Variants in TSPAN33 observed in about 807,000 individuals in gnomAD.
The protein encoded by TSPAN33 is tetraspanin 33.
A neutral mutation model predicts 34.8 loss-of-function variants in TSPAN33; 27 were observed. That is an observed-to-expected ratio of 0.78 (90% CI 0.57 to 1.07). TSPAN33 has a LOEUF of 1.07. Ranked by LOEUF, TSPAN33 falls within the 50% of genes least tolerant of loss-of-function variation. TSPAN33 has a pLI of 0.00. For missense variants in TSPAN33, 272 were observed against 324.9 expected (o/e 0.84, Z 1.25); for synonymous variants, 119 against 124.2 (o/e 0.96, Z 0.28).
At chr7:129,164,796 G>A in intron 5 of TSPAN33, 2 of 456,568 alleles carry the variant, frequency 4.4e-6, no homozygotes, top group Non-Finnish European at 8.1e-6. Flanking sequence ...ACCTACAGGG[G>A]GTGAGGAACT....
chr7:129,161,164 C>T (rs983476339), intron 1 of TSPAN33, among the ~76,000 whole-genome samples: 1 of 152,220 alleles, frequency 6.6e-6, no homozygotes, highest in Non-Finnish European at 1.5e-5. Context: ...GCCTTGCACT[C>T]CTGGGCTCAA....
At chr7:129,166,083 G>A (rs1463777958) in intron 5 of TSPAN33, among the ~76,000 whole-genome samples, 3 of 151,984 alleles carry the variant, frequency 2.0e-5, no homozygotes, top group Non-Finnish European at 4.4e-5. Flanking sequence ...GATTACAGGT[G>A]CCTGCCAAAC....
Position 129,164,471 on chromosome 7 carries a change from C to T in TSPAN33, c.364-3C>T. The T allele has an allele frequency of 1.9e-6, 3 of 1,613,794 alleles. No homozygotes were observed. Among genetic ancestry groups the T allele is most frequent in the Non-Finnish European group, 2.5e-6 (3 of 1,179,852 alleles). On this transcript the variant is annotated splice_polypyrimidine_tract_variant and splice_region_variant and intron_variant, in intron 4 of 7. Coordinates refer to ENST00000486685, the MANE Select transcript of TSPAN33 (RefSeq NM_178562.5). ...TCTGATTCCTTGCCCATGTCTCCGG[C>T]AGGCTCGAGGGAAAGTGAGTGAGAT...
chr7:129,162,822 C>G lies in TSPAN33; in HGVS notation c.289-11C>G, dbSNP rs1353971020. 2.0e-5 allele frequency: 32 copies of G among 1,613,342 alleles called. No individual in the cohort carries two copies. Among genetic ancestry groups the G allele is most frequent in the Non-Finnish European group, 2.7e-5 (32 of 1,179,888 alleles). On this transcript the variant is annotated splice_polypyrimidine_tract_variant and intron_variant, in intron 3 of 7. Transcript: ENST00000486685. ...TGGTCCTAGACGCCTCTTCTTCCTG[C>G]TGCTCCACAGTTCTCCCTCTGCCTC...
Position 129,168,245 on chromosome 7 carries a change from A to G in TSPAN33, c.*371A>G. 1 of 218,252 alleles carries G rather than the reference A, an allele frequency of 4.6e-6. No individual in the cohort carries two copies. The highest frequency in any genetic ancestry group is 9.3e-6 in the Non-Finnish European group (1 of 107,092). 13.5% of individuals were successfully genotyped at this position (218,252 alleles called of 1,614,324 possible). A position where few individuals can be genotyped will look rare whatever the true frequency, so the allele number is the denominator to read the frequency against. The stretch of plus-strand genomic sequence containing the variant: ...GCAGGGATGCTCCTGAGCTTGGCGG[A>G]CATACTTAGATCCTAACGTGCCAGT... On this transcript the variant is annotated 3_prime_UTR_variant, in exon 8 of 8. Coordinates refer to ENST00000486685, the MANE Select transcript of TSPAN33 (RefSeq NM_178562.5).
At position 129,144,725 on chromosome 7, in the gene TSPAN33, G is replaced by T. The variant is rs1234713658; in HGVS notation, c.-256G>T. On this transcript the variant is annotated 5_prime_UTR_variant, in exon 1 of 8. Coordinates refer to ENST00000486685, the MANE Select transcript of TSPAN33 (RefSeq NM_178562.5). ...GGGTTTCCTGGGCGCCTGGCTGGCC[G>T]GGCTGGTCCTGCGGCCGCGGGTGAG... 2.0e-5 allele frequency among the ~76,000 whole-genome samples: 3 copies of T among 151,778 alleles called. No individual in the cohort carries two copies. Among genetic ancestry groups the T allele is most frequent in the Non-Finnish European group, 4.4e-5 (3 of 67,892 alleles).
At chr7:129,163,320 T>C (rs1391286766) in intron 4 of TSPAN33, among the ~76,000 whole-genome samples, 2 of 132,232 alleles carry the variant, frequency 1.5e-5, no homozygotes, top group Non-Finnish European at 3.1e-5. Flanking sequence ...TTGAGGTTTA[T>C]TTTTCTTTCT....
Position 129,168,041 on chromosome 7 carries a change from C to G in TSPAN33, c.*167C>G, listed in dbSNP as rs1793171030. On this transcript the variant is annotated 3_prime_UTR_variant, in exon 8 of 8. Coordinates refer to ENST00000486685, the MANE Select transcript of TSPAN33 (RefSeq NM_178562.5). Reference sequence around the variant, plus strand: ...GGCAGAAGGCAGGGTGCACAGGTGGCTCCAGTCTCAGGAGGATGCGCCTCC... The same window carrying G: ...GGCAGAAGGCAGGGTGCACAGGTGGGTCCAGTCTCAGGAGGATGCGCCTCC... The G allele has an allele frequency of 1.4e-6, 2 of 1,406,958 alleles. No individual in the cohort carries two copies. Among genetic ancestry groups the G allele is most frequent in the African/African-American group, 2.9e-5 (2 of 69,320 alleles). The allele number at this position is 1,406,958 out of a possible 1,614,324, so 87.2% of individuals were successfully genotyped here. A position where few individuals can be genotyped will look rare whatever the true frequency, so the allele number is the denominator to read the frequency against.
intron 1 of TSPAN33, among the ~76,000 whole-genome samples, chr7:129,147,899 T>C (rs1273147985): frequency 6.6e-6 from 1 of 152,220 alleles, no homozygotes; most frequent in Non-Finnish European, 1.5e-5. Context: ...CAGTTCCTAC[T>C]GTTCATGTTT....
chr7:129,163,111 GACAGTCTGAGA>G (rs1392966836), intron 4 of TSPAN33, among the ~76,000 whole-genome samples: 5 of 152,218 alleles, frequency 3.3e-5, no homozygotes, highest in Non-Finnish European at 5.9e-5. Context: ...GCTTTCCTCT[GACAGTCTGAGA>G]AGCTAACAGG....
Position 129,156,980 on chromosome 7 carries a change from T to G in TSPAN33, c.103-4699T>G, listed in dbSNP as rs1412469071. ...AGACTCAGCCATTTTAAAAGTTGTA[T>G]CTAGCTCTTAGAAGTTTCCAGCCAG... On this transcript the variant is annotated intron_variant, in intron 1 of 7. Transcript: ENST00000486685. Among the ~76,000 whole-genome samples, 4 of 152,248 alleles carry G rather than the reference T, an allele frequency of 2.6e-5. No individual in the cohort carries two copies. The East Asian group carries it at 7.7e-4, about 29-fold the overall frequency.
At chr7:129,162,307 G>A in intron 2 of TSPAN33, 87 bp from the exon 3 acceptor site, 1 of 1,572,170 alleles carries the variant, frequency 6.4e-7, no homozygotes, top group Non-Finnish European at 8.6e-7. Context: ...ACCAGGGGAA[G>A]GAGAACAGTT....
Position 129,164,549 on chromosome 7 carries a change from A to C in TSPAN33, c.439A>C (p.Ile147Leu). Residue 147 changes from isoleucine to leucine, a missense_variant, in exon 5 of 8, where the codon ATT becomes CTT. Ile to Leu is a conservative substitution (Grantham distance 5). Coordinates refer to ENST00000486685, the MANE Select transcript of TSPAN33 (RefSeq NM_178562.5). ...YRDDLDLQNL[I>L]DFGQKKFSCC... ...AGATGACTTGGATCTGCAGAACCTC[A>C]TTGATTTTGGCCAGAAAAAGGTATG... The C allele has an allele frequency of 6.2e-7, 1 of 1,613,872 alleles. No homozygotes were observed. Among genetic ancestry groups the C allele is most frequent in the Non-Finnish European group, 8.5e-7 (1 of 1,179,944 alleles).
rs1054047364 is a variant in TSPAN33, at chr7:129,167,378, G to C, written c.589-21G>C. 1.2e-6 allele frequency: 2 copies of C among 1,600,734 alleles called. No homozygotes were observed. The highest frequency in any genetic ancestry group is 8.5e-7 in the Non-Finnish European group (1 of 1,169,974). On this transcript the variant is annotated intron_variant, in intron 6 of 7. Coordinates refer to ENST00000486685, the MANE Select transcript of TSPAN33 (RefSeq NM_178562.5). The surrounding 1 kb of genome is among the most constrained non-coding windows in gnomAD (Gnocchi z 4.6). ...GTTATTGGAATTACAGTCCCAATTG[G>C]CTTTTCAACTCTTTCCCCAGGCAGT...
Position 129,162,382 on chromosome 7 carries a change from C to T in TSPAN33, c.161-12C>T, listed in dbSNP as rs769954197. ...GCACCAGGCTCAGGCTGAGGGCCGGCTCCTTTTCCAGAAGCAGCCCTAGCC... is the reference window on the plus strand; with the variant it reads ...GCACCAGGCTCAGGCTGAGGGCCGGTTCCTTTTCCAGAAGCAGCCCTAGCC... On this transcript the variant is annotated splice_polypyrimidine_tract_variant and intron_variant, in intron 2 of 7. Coordinates refer to ENST00000486685, the MANE Select transcript of TSPAN33 (RefSeq NM_178562.5). The T allele has an allele frequency of 6.2e-7, 1 of 1,611,396 alleles. No individual in the cohort carries two copies. Among genetic ancestry groups the T allele is most frequent in the South Asian group, 1.1e-5 (1 of 91,068 alleles).
Position 129,167,015 on chromosome 7 carries a change from T to C in TSPAN33, c.588+109T>C, listed in dbSNP as rs1361274229. On this transcript the variant is annotated intron_variant, in intron 6 of 7. Coordinates refer to ENST00000486685, the MANE Select transcript of TSPAN33 (RefSeq NM_178562.5). The surrounding 1 kb of genome is among the most constrained non-coding windows in gnomAD (Gnocchi z 4.6). ...ATCCCCTAGCTTCACCGATCAGTCA[T>C]GTGGGACAGCTGTCAGGTGTTTTTC... 7.5e-7 allele frequency: 1 copy of C among 1,330,872 alleles called. No homozygotes were observed. Among genetic ancestry groups the C allele is most frequent in the Non-Finnish European group, 1.0e-6 (1 of 964,698 alleles). 82.4% of individuals were successfully genotyped at this position (1,330,872 alleles called of 1,614,324 possible). A position where few individuals can be genotyped will look rare whatever the true frequency, so the allele number is the denominator to read the frequency against.
chr7:129,162,573 C>T (rs1793070091), intron 3 of TSPAN33, 52 bp downstream of exon 3: 1 of 1,602,996 alleles, frequency 6.2e-7, no homozygotes, highest in African/African-American at 1.3e-5. Context: ...CCCATCATGC[C>T]TCTTAGCCTC....
intron 1 of TSPAN33, among the ~76,000 whole-genome samples, chr7:129,146,239 G>A (rs1810518503): frequency 6.6e-6 from 1 of 152,164 alleles, no homozygotes; most frequent in Admixed American, 6.5e-5. Context: ...GTGGGGTGAG[G>A]TGCAGACACA....
At chr7:129,166,391 C>T (rs151174017) in intron 5 of TSPAN33, 6 of 157,636 alleles carry the variant, frequency 3.8e-5, no homozygotes, top group Non-Finnish European at 7.0e-5. Flanking sequence ...TGTGTTTTCT[C>T]TATCTTAAGG....
Sources: gnomAD v4.1 joint callset for allele counts (sites outside exome capture counted in the v4.1 genomes callset) on GRCh38, gnomAD v4.1.1 for gene constraint, Gnocchi (gnomAD v3.1) non-coding constraint, MANE v1.5 for transcripts, NCBI Gene and HGNC (gene_info 2026-07-23, HGNC 2026-07-21) for gene names.